RBFOX2: variants seen among roughly 807,000 people sequenced by gnomAD.
RBFOX2 encodes RNA binding protein fox-1 homolog 2.
In RBFOX2, 10 loss-of-function variants were observed where a neutral mutation model predicts 49.1. The observed-to-expected ratio is 0.20, with a 90% CI of 0.13 to 0.35. The LOEUF (loss-of-function observed/expected upper bound fraction) is 0.35, where lower values mean the gene tolerates loss of function less well. RBFOX2 is among the 10% of genes least tolerant of loss of function. The probability of loss-of-function intolerance (pLI) is 1.00; values close to 1 mark genes in which losing one functional copy is unlikely to be tolerated. For missense variants in RBFOX2, 323 were observed against 486.9 expected (o/e 0.66, Z 3.17); for synonymous variants, 183 against 187.4 (o/e 0.98, Z 0.19).
chr22:35,781,627 C>G, exon 3 of RBFOX2: 6 of 1,614,042 alleles, frequency 3.7e-6, no homozygotes, highest in Non-Finnish European at 5.1e-6. Flanking sequence ...GGTCAGGGTC[C>G]CGGAAGCGGA....
intron 1 of RBFOX2, among the ~76,000 whole-genome samples, chr22:35,912,514 C>A (rs1380188518): frequency 6.6e-6 from 1 of 152,194 alleles, no homozygotes; most frequent in Non-Finnish European, 1.5e-5. Flanking sequence ...CCCCTAAGCT[C>A]TCCAGTACCT....
chr22:35,777,901 G>T, intron 4 of RBFOX2, 124 bp downstream of exon 5: 1 of 969,768 alleles, frequency 1.0e-6, no homozygotes, highest in Non-Finnish European at 1.5e-6. Context: ...CTAAACCAAG[G>T]TGGATAATTA....
At chr22:35,849,328 C>G (rs936501384) in intron 1 of RBFOX2, among the ~76,000 whole-genome samples, 4 of 149,778 alleles carry the variant, frequency 2.7e-5, no homozygotes, top group African/African-American at 9.9e-5. Context: ...CACACACACA[C>G]ACACAGACAC....
At chr22:35,781,151 A>C (rs1054128252) in intron 3 of RBFOX2, among the ~76,000 whole-genome samples, 2 of 152,218 alleles carry the variant, frequency 1.3e-5, no homozygotes, top group Non-Finnish European at 2.9e-5. Flanking sequence ...ACAACCCTAG[A>C]ATGTCAGGCA....
At chr22:35,897,972 A>C (rs2149424194) in intron 1 of RBFOX2, 1 of 772,388 alleles carries the variant, frequency 1.3e-6, no homozygotes, top group East Asian at 2.5e-5. Flanking sequence ...TCTTCACAAA[A>C]ACATCCTCAA....
At chr22:35,797,915 A>C (rs955537873) in intron 2 of RBFOX2, among the ~76,000 whole-genome samples, 4 of 152,168 alleles carry the variant, frequency 2.6e-5, no homozygotes, top group Non-Finnish European at 5.9e-5. Flanking sequence ...ACCTTCTAAA[A>C]GCATCTCTTA....
chr22:35,940,253 G>T (rs2053557215), upstream of RBFOX2, among the ~76,000 whole-genome samples: 1 of 152,146 alleles, frequency 6.6e-6, no homozygotes, highest in Non-Finnish European at 1.5e-5. Context: ...AAAAGAATGT[G>T]TAATAAATAA....
At chr22:35,784,293 CAT>C (rs1051864602) in intron 2 of RBFOX2, among the ~76,000 whole-genome samples, 3 of 152,170 alleles carry the variant, frequency 2.0e-5, no homozygotes, top group Non-Finnish European at 2.9e-5. Flanking sequence ...AAAATGATCT[CAT>C]TAGGCCAGAG....
At chr22:35,746,502 A>G in exon 10 of RBFOX2, 1 of 1,609,722 alleles carries the variant, frequency 6.2e-7, no homozygotes, top group Non-Finnish European at 8.5e-7. Flanking sequence ...CAGCGGCTGC[A>G]GCAGCGGTGG....
At chr22:35,970,423 A>G (rs984908387) in intron 1 of RBFOX2, among the ~76,000 whole-genome samples, 4 of 151,754 alleles carry the variant, frequency 2.6e-5, no homozygotes, top group African/African-American at 9.7e-5. Flanking sequence ...CTGAGGCAGG[A>G]GGACTGCTCA....
chr22:35,971,325 T>C (rs1290411281), intron 1 of RBFOX2, among the ~76,000 whole-genome samples: 2 of 152,128 alleles, frequency 1.3e-5, no homozygotes, highest in Non-Finnish European at 2.9e-5. Context: ...CCCCATGCAA[T>C]GTTATATTTT....
chr22:35,947,672 T>TAAAAAAA (rs559788717), intron 1 of RBFOX2, among the ~76,000 whole-genome samples: 189 of 33,656 alleles, frequency 5.6e-3, no homozygotes, highest in Middle Eastern at 0.017. Context: ...GTTTAAAAAG[T>TAAAAAAA]AAAAAAAAAA....
chr22:35,985,925 TA>T (rs2057697954), intron 1 of RBFOX2, among the ~76,000 whole-genome samples: 1 of 151,628 alleles, frequency 6.6e-6, no homozygotes. Flanking sequence ...GATAGATAGA[TA>T]GATAGATAGA....
chr22:35,750,559 G>A (rs1569227571), intron 9 of RBFOX2: 1 of 773,030 alleles, frequency 1.3e-6, no homozygotes, highest in Admixed American at 2.2e-5. Flanking sequence ...AACTCTGATA[G>A]CTGGATAAAT....
chr22:35,886,301 A>C (rs1418664402), intron 1 of RBFOX2, among the ~76,000 whole-genome samples: 1 of 152,188 alleles, frequency 6.6e-6, no homozygotes, highest in Non-Finnish European at 1.5e-5. Context: ...CTTATTTAAT[A>C]ATAGTGAAAG....
At chr22:35,947,944 T>C (rs1319088305) in intron 1 of RBFOX2, among the ~76,000 whole-genome samples, 3 of 152,162 alleles carry the variant, frequency 2.0e-5, no homozygotes, top group Non-Finnish European at 2.9e-5. Context: ...TCAACAGTAG[T>C]GTACAGTAAT....
At chr22:35,871,643 T>A (rs762166731) in intron 1 of RBFOX2, among the ~76,000 whole-genome samples, 3 of 152,110 alleles carry the variant, frequency 2.0e-5, no homozygotes, top group Non-Finnish European at 4.4e-5. Flanking sequence ...CCTAGCCACA[T>A]GGAAAGGAAT....
rs752160212 is a variant in RBFOX2, at chr22:36,004,521, C to T, written c.186+23719G>A. Among the ~76,000 whole-genome samples the T allele has an allele frequency of 1.1e-3, 162 of 152,086 alleles. 3 individuals carry two copies. Among genetic ancestry groups the T allele is most frequent in the Non-Finnish European group, 1.8e-4 (12 of 68,026 alleles). On this transcript the variant is annotated intron_variant, in intron 1 of 13. Coordinates refer to the RBFOX2 transcript ENST00000438146. ...GTCTGATAGTTAAGAAACAGCTGGG[C>T]GAGGTGGTTCACGCCTATAACCCCA...
intron 1 of RBFOX2, among the ~76,000 whole-genome samples, chr22:35,913,106 T>C (rs2050005135): frequency 1.4e-5 from 1 of 70,104 alleles, no homozygotes; most frequent in Non-Finnish European, 2.7e-5. Flanking sequence ...TCTACTGTAA[T>C]TTTTTTTTAA....
Sources: allele counts gnomAD v4.1 joint callset (sites outside exome capture counted in the v4.1 genomes callset), GRCh38; gene constraint gnomAD v4.1.1; transcripts MANE v1.5; gene names NCBI Gene and HGNC (gene_info 2026-07-23, HGNC 2026-07-21).